PTPRD: variants seen among roughly 807,000 people sequenced by gnomAD.
The protein encoded by PTPRD is protein tyrosine phosphatase receptor type D.
A neutral mutation model predicts 214.5 loss-of-function variants in PTPRD; 34 were observed. The observed-to-expected ratio is 0.16, with a 90% confidence interval of 0.12 to 0.21. The LOEUF is 0.21. PTPRD is among the 10% of genes least tolerant of loss of function. The probability of loss-of-function intolerance (pLI) is 1.00; values close to 1 mark genes in which losing one functional copy is unlikely to be tolerated. For synonymous variants in PTPRD, 1,128 were observed against 845.7 expected, an observed-to-expected ratio of 1.33 and a Z score of -5.79; for missense variants, 2,545 against 2,398.7, an observed-to-expected ratio of 1.06 and a Z score of -1.27.
chr9:9,982,461 G>C, intron 4 of PTPRD, among the ~76,000 whole-genome samples: 1 of 55,678 alleles, frequency 1.8e-5, no homozygotes, highest in East Asian at 4.8e-4. Context: ...ATATATTGTT[G>C]TTGTGGTGGT....
At chr9:10,475,513 GC>G (rs1253932499) in intron 2 of PTPRD, among the ~76,000 whole-genome samples, 1 of 151,794 alleles carries the variant, frequency 6.6e-6, no homozygotes, top group Non-Finnish European at 1.5e-5. Context: ...CCAAAAAAAA[GC>G]CCAGGACCAG....
At chr9:9,536,925 T>A (rs2076636943) in intron 8 of PTPRD, among the ~76,000 whole-genome samples, 1 of 152,014 alleles carries the variant, frequency 6.6e-6, no homozygotes, top group African/African-American at 2.4e-5. Context: ...AAGGGTAGTG[T>A]AGTGTAGAGT....
chr9:10,243,571 G>C (rs1229344743), intron 3 of PTPRD, among the ~76,000 whole-genome samples: 1 of 151,724 alleles, frequency 6.6e-6, no homozygotes, highest in Admixed American at 6.6e-5. Context: ...TTTCCTGTAA[G>C]ATCCACCCTT....
chr9:8,377,591 C>T (rs1166044073), intron 37 of PTPRD, among the ~76,000 whole-genome samples: 1 of 151,836 alleles, frequency 6.6e-6, no homozygotes, highest in East Asian at 1.9e-4. Context: ...CTATATTTAC[C>T]CTTTCTATCT....
intron 43 of PTPRD, among the ~76,000 whole-genome samples, chr9:8,337,814 C>G (rs1848472962): frequency 1.3e-5 from 2 of 152,002 alleles, no homozygotes; most frequent in South Asian, 4.2e-4. Context: ...GGTGAGTTTA[C>G]TCAAAATGCA....
intron 10 of PTPRD, among the ~76,000 whole-genome samples, chr9:9,038,846 C>T (rs1590263678): frequency 6.6e-6 from 1 of 152,032 alleles, no homozygotes; most frequent in African/African-American, 2.4e-5. Context: ...CGTGAGCCAC[C>T]CCGCCCAGCA....
intron 3 of PTPRD, among the ~76,000 whole-genome samples, chr9:10,235,087 T>C (rs2154358957): frequency 6.6e-6 from 1 of 152,072 alleles, no homozygotes; most frequent in South Asian, 2.1e-4. Flanking sequence ...ATCATTTTAA[T>C]TTTCTAGACA....
intron 3 of PTPRD, among the ~76,000 whole-genome samples, chr9:10,178,470 G>C (rs374059005): frequency 2.6e-5 from 4 of 151,984 alleles, no homozygotes; most frequent in South Asian, 4.1e-4. Flanking sequence ...TGTAGGAAAG[G>C]ATAAAAATAT....
chr9:9,748,524 T>C (rs2098481507), intron 6 of PTPRD, among the ~76,000 whole-genome samples: 2 of 152,160 alleles, frequency 1.3e-5, no homozygotes, highest in South Asian at 2.1e-4. Context: ...TCGTAAGGGA[T>C]ACATACTTAA....
At chr9:10,015,899 T>G (rs2096700807) in intron 4 of PTPRD, among the ~76,000 whole-genome samples, 1 of 152,176 alleles carries the variant, frequency 6.6e-6, no homozygotes, top group African/African-American at 2.4e-5. Context: ...ACTGCTCTCC[T>G]GATCTTAAGA....
intron 9 of PTPRD, among the ~76,000 whole-genome samples, chr9:9,248,490 T>C (rs775261203): frequency 6.6e-6 from 1 of 152,098 alleles, no homozygotes; most frequent in Non-Finnish European, 1.5e-5. Context: ...TTTTCTAATG[T>C]TAGGGCAACA....
chr9:9,714,382 T>C (rs542703181), intron 7 of PTPRD, among the ~76,000 whole-genome samples: 99 of 152,330 alleles, frequency 6.5e-4, no homozygotes, highest in African/African-American at 2.3e-3. Context: ...TCCATAGCCA[T>C]ATCATTCTTG....
At chr9:10,508,571 A>G (rs12349414) in intron 2 of PTPRD, among the ~76,000 whole-genome samples, 46,469 of 152,088 alleles carry the variant, frequency 0.31, 7,185 homozygotes, top group South Asian at 0.46. Context: ...AATAGAATGG[A>G]TTAAGAAAAT....
intron 2 of PTPRD, among the ~76,000 whole-genome samples, chr9:10,367,326 A>G (rs921716600): frequency 7.9e-5 from 12 of 152,150 alleles, no homozygotes; most frequent in African/African-American, 1.2e-4. Flanking sequence ...AACCCTCTTA[A>G]GAGCTCAAGT....
chr9:10,538,715 C>T (rs1406491625), intron 2 of PTPRD, among the ~76,000 whole-genome samples: 1 of 151,984 alleles, frequency 6.6e-6, no homozygotes, highest in Non-Finnish European at 1.5e-5. Flanking sequence ...CTTTTAGATT[C>T]CAATCTAAAT....
At chr9:9,925,523 A>G (rs1381027659) in intron 5 of PTPRD, among the ~76,000 whole-genome samples, 2 of 152,062 alleles carry the variant, frequency 1.3e-5, no homozygotes, top group Non-Finnish European at 2.9e-5. Context: ...ACTTCACATT[A>G]GTTTTTTTAA....
intron 14 of PTPRD, among the ~76,000 whole-genome samples, chr9:8,574,950 T>C (rs961066967): frequency 3.3e-5 from 5 of 152,040 alleles, no homozygotes; most frequent in Non-Finnish European, 7.4e-5. Flanking sequence ...CAATATCATA[T>C]AAATAAAGAC....
intron 4 of PTPRD, among the ~76,000 whole-genome samples, chr9:9,952,121 C>T (rs1017829345): frequency 1.3e-5 from 2 of 152,104 alleles, no homozygotes; most frequent in Non-Finnish European, 2.9e-5. Context: ...GAGAACTCAC[C>T]ACCTGAAAGT....
At chr9:8,737,056 G>C (rs1217211331) in intron 11 of PTPRD, among the ~76,000 whole-genome samples, 1 of 152,148 alleles carries the variant, frequency 6.6e-6, no homozygotes, top group Admixed American at 6.6e-5. Flanking sequence ...ATGACTCCGT[G>C]TGATCACAGA....
Sources: allele counts gnomAD v4.1 joint callset (sites outside exome capture counted in the v4.1 genomes callset), GRCh38; gene constraint gnomAD v4.1.1; transcripts MANE v1.5; gene names NCBI Gene and HGNC (gene_info 2026-07-23, HGNC 2026-07-21).